GLB1L2: variants seen among roughly 807,000 people sequenced by gnomAD.
GLB1L2 encodes galactosidase beta 1 like 2.
A neutral mutation model predicts 84.1 loss-of-function variants in GLB1L2; 68 were observed. That is an observed-to-expected ratio of 0.81 (90% CI 0.67 to 0.99). The LOEUF (loss-of-function observed/expected upper bound fraction) is 0.99. Ranked by LOEUF, GLB1L2 falls within the 50% of genes least tolerant of loss-of-function variation. The pLI, the probability that GLB1L2 is intolerant of heterozygous loss-of-function variation, is 0.00. For synonymous variants in GLB1L2, 290 were observed against 318.0 expected (o/e 0.91, Z 0.94); for missense variants, 762 against 805.6 (o/e 0.95, Z 0.66).
intron 5 of GLB1L2, among the ~76,000 whole-genome samples, chr11:134,352,344 G>A (rs1046027652): frequency 1.3e-5 from 2 of 151,878 alleles, no homozygotes; most frequent in Admixed American, 1.3e-4. Flanking sequence ...TTTTTTCTTA[G>A]TTTAGCTGCA....
chr11:134,344,238 A>G (rs1207056026), intron 2 of GLB1L2, 149 bp from the exon 3 acceptor site: 2 of 922,158 alleles, frequency 2.2e-6, no homozygotes, highest in East Asian at 2.4e-5. Flanking sequence ...TCCCTAGATC[A>G]GTTCACTTAG....
chr11:134,370,143 G>A lies in GLB1L2; in HGVS notation c.1109-150G>A, dbSNP rs1943928714. On this transcript the variant is annotated intron_variant, in intron 11 of 18. Transcript: ENST00000535456. This position sits in a 1 kb window ranked among gnomAD's most constrained non-coding sequence, Gnocchi z 4.7. ...CCCCCAGGCCTGGCCTTCCTCCCTG[G>A]CCTCAGCAGGTGCTGAGAGCTAGCC... The A allele has an allele frequency of 1.3e-6, 1 of 762,966 alleles. No individual in the cohort carries two copies. The highest frequency in any genetic ancestry group is 2.5e-5 in the East Asian group (1 of 40,072). 47.3% of individuals were successfully genotyped at this position (762,966 alleles called of 1,614,324 possible). A position where few individuals can be genotyped will look rare whatever the true frequency, so the allele number is the denominator to read the frequency against.
chr11:134,349,375 C>A (rs1026007836), intron 5 of GLB1L2, among the ~76,000 whole-genome samples: 2 of 152,156 alleles, frequency 1.3e-5, no homozygotes, highest in African/African-American at 4.8e-5. Flanking sequence ...GCCTTTTGGC[C>A]ACTGTAAATA....
At chr11:134,344,551 G>A (rs2581881) in intron 3 of GLB1L2, 96 bp downstream of exon 3, 6 of 1,298,028 alleles carry the variant, frequency 4.6e-6, no homozygotes, top group African/African-American at 3.1e-5. Flanking sequence ...AGGGAGGGAC[G>A]TGGGTCTGGA....
Position 134,374,590 on chromosome 11 carries a change from C to T in GLB1L2, c.1708-12C>T. 6.2e-7 allele frequency: 1 copy of T among 1,605,072 alleles called. No individual in the cohort carries two copies. Among genetic ancestry groups the T allele is most frequent in the Non-Finnish European group, 8.5e-7 (1 of 1,171,904 alleles). On this transcript the variant is annotated splice_polypyrimidine_tract_variant and intron_variant, in intron 17 of 18. Coordinates refer to ENST00000535456, the MANE Select transcript of GLB1L2 (RefSeq NM_001370461.1). ...CTCGTGGTAGATGAACACCCTTCCC[C>T]TCTGTTTCAAGGGCTGGGAGAAGGG...
chr11:134,361,153 AAAAAAAAC>A (rs943075484), intron 7 of GLB1L2: 2 of 151,304 alleles, frequency 1.3e-5, no homozygotes, highest in African/African-American at 4.9e-5. Flanking sequence ...TCCGTCTCAA[AAAAAAAAC>A]AAAAAACAAA....
At position 134,332,001 on chromosome 11, in the gene GLB1L2, C is replaced by A. The variant is rs902239976; in HGVS notation, c.-61C>A. On this transcript the variant is annotated 5_prime_UTR_variant, in exon 1 of 19. Transcript: ENST00000535456. ...GCTCCGCCCCCCGCGGCGAGGCTCC[C>A]GCGCGCGGCTGAGTGCGGACTGGAG... The A allele has an allele frequency of 3.4e-5, 41 of 1,219,272 alleles. No homozygotes were observed. In the African/African-American group the frequency reaches 6.3e-4, roughly 19 times the overall value. The allele number at this position is 1,219,272 out of a possible 1,614,324, so 75.5% of individuals were successfully genotyped here. A position where few individuals can be genotyped will look rare whatever the true frequency, so the allele number is the denominator to read the frequency against.
At chr11:134,342,216 G>C (rs1199043489) in intron 1 of GLB1L2, among the ~76,000 whole-genome samples, 4 of 152,094 alleles carry the variant, frequency 2.6e-5, no homozygotes, top group Admixed American at 2.6e-4. Context: ...GGGGGACTCT[G>C]CTCTAGCTGG....
At chr11:134,332,699 A>G (rs910895452) in intron 1 of GLB1L2, among the ~76,000 whole-genome samples, 1 of 152,128 alleles carries the variant, frequency 6.6e-6, no homozygotes, top group Non-Finnish European at 1.5e-5. Flanking sequence ...GCACAGTAGG[A>G]CTGATAGGTC....
chr11:134,348,635 T>C (rs1180222759), intron 5 of GLB1L2, among the ~76,000 whole-genome samples: 1 of 152,236 alleles, frequency 6.6e-6, no homozygotes, highest in Non-Finnish European at 1.5e-5. Context: ...TTTTAACCAT[T>C]TTGAAATGTA....
intron 13 of GLB1L2, 134 bp from the exon 14 acceptor site, chr11:134,371,287 G>C: frequency 8.0e-7 from 1 of 1,255,846 alleles, no homozygotes; most frequent in East Asian, 2.3e-5. Context: ...GCCTTCAGGG[G>C]GCATTCATGT....
At chr11:134,348,405 C>G (rs1174616953) in intron 5 of GLB1L2, among the ~76,000 whole-genome samples, 5 of 152,126 alleles carry the variant, frequency 3.3e-5, no homozygotes, top group African/African-American at 1.2e-4. Context: ...CTAGATCTTG[C>G]TGGGAAGCTG....
At chr11:134,371,206 G>A (rs937888175) in intron 13 of GLB1L2, 58 bp downstream of exon 13, 122 of 1,585,680 alleles carry the variant, frequency 7.7e-5, no homozygotes, top group South Asian at 4.8e-4. Flanking sequence ...TGCAATAGGC[G>A]TCTCATGCCC....
rs1177869739 is a variant in GLB1L2 at position 134,339,823 on chromosome 11, C to T, written c.87-2931C>T. Among the ~76,000 whole-genome samples, 5 of 152,046 alleles carry T rather than the reference C, an allele frequency of 3.3e-5. No individual in the cohort carries two copies. Among genetic ancestry groups the T allele is most frequent in the African/African-American group, 9.7e-5 (4 of 41,396 alleles). ...AGGTTTATGCATTTCTGACAAGCTG[C>T]GGATGAAGACCTGGAAATCTGGTTG... is the stretch of plus-strand genomic sequence containing the variant. On this transcript the variant is annotated intron_variant, in intron 1 of 18. Coordinates refer to ENST00000535456, the MANE Select transcript of GLB1L2 (RefSeq NM_001370461.1). The surrounding 1 kb of genome is among the most constrained non-coding windows in gnomAD (Gnocchi z 5.7).
At chr11:134,371,204 G>A (rs1383696309) in intron 13 of GLB1L2, 56 bp downstream of exon 13, 11 of 1,589,462 alleles carry the variant, frequency 6.9e-6, no homozygotes, top group Non-Finnish European at 9.5e-6. Flanking sequence ...TCTGCAATAG[G>A]CGTCTCATGC....
In GLB1L2 at chr11:134,338,728, C is replaced by T. The variant is rs1396267234; in HGVS notation, c.87-4026C>T. Among the ~76,000 whole-genome samples, 5 of 152,312 alleles carry T rather than the reference C, an allele frequency of 3.3e-5. No individual in the cohort carries two copies. The highest frequency in any genetic ancestry group is 3.4e-3 in the Middle Eastern group (1 of 294). ...TCTGCAGCTTGCCCAGCCTTCAGCA[C>T]GAATAGTGCATGCCCCTTTTCCACT... is the stretch of plus-strand genomic sequence containing the variant. On this transcript the variant is annotated intron_variant, in intron 1 of 18. Transcript: ENST00000535456. The surrounding 1 kb of genome is among the most constrained non-coding windows in gnomAD (Gnocchi z 6.2).
In GLB1L2 at chr11:134,373,767, C is replaced by T. The variant is rs200836060; in HGVS notation, c.1554C>T (p.Phe518=). ...TGAATGATTCACCCCTGAAAAACTTCAGAATCTATAGCCTGGATATGAAGA... is the reference window on the plus strand; with the variant it reads ...TGAATGATTCACCCCTGAAAAACTTTAGAATCTATAGCCTGGATATGAAGA... ...LYLNDSPLKN[F]RIYSLDMKKS... is the part of the protein sequence containing the mutation. Residue 518 remains phenylalanine (F), a synonymous_variant, in exon 16 of 19, where the codon TTC becomes TTT. Transcript: ENST00000535456. 3.0e-5 allele frequency: 48 copies of T among 1,613,098 alleles called. No individual in the cohort carries two copies. The highest frequency in any genetic ancestry group is 4.2e-6 in the Non-Finnish European group (5 of 1,179,212).
chr11:134,351,444 C>T (rs1238066836), intron 5 of GLB1L2, among the ~76,000 whole-genome samples: 3 of 149,236 alleles, frequency 2.0e-5, no homozygotes, highest in East Asian at 2.0e-4. Flanking sequence ...CTCCCAGGTT[C>T]AAGTGATTCT....
Position 134,359,126 on chromosome 11 carries a change from G to A in GLB1L2, c.718G>A (p.Gly240Arg), listed in dbSNP as rs1242397949. 6.2e-7 allele frequency: 1 copy of A among 1,604,914 alleles called. No homozygotes were observed. Among genetic ancestry groups the A allele is most frequent in the Non-Finnish European group, 8.5e-7 (1 of 1,175,538 alleles). The change falls in exon 7 of 19, where the codon GGG becomes AGG. Residue 240 changes from glycine (G) to arginine (R), a missense_variant. By Grantham distance (125) the Gly-to-Arg change is moderately radical. Coordinates refer to ENST00000535456, the MANE Select transcript of GLB1L2 (RefSeq NM_001370461.1). ...TSDNKDGLSK[G>R]IVQGVLATIN... The stretch of plus-strand genomic sequence containing the variant: ...AGACAACAAGGATGGGCTGAGCAAG[G>A]GGATTGTCCAGGGAGGTAACTGCAC...
Sources: gnomAD v4.1 joint callset for allele counts (sites outside exome capture counted in the v4.1 genomes callset) on GRCh38, gnomAD v4.1.1 for gene constraint, Gnocchi (gnomAD v3.1) non-coding constraint, MANE v1.5 for transcripts, NCBI Gene and HGNC (gene_info 2026-07-23, HGNC 2026-07-21) for gene names.